Variants in MAST4 observed in about 807,000 individuals in gnomAD.
MAST4 encodes the protein microtubule-associated serine/threonine-protein kinase 4.
In MAST4, 89 loss-of-function variants were observed where a neutral mutation model predicts 162.7. The ratio of observed to expected loss-of-function variants is 0.55; its 90% CI spans 0.46 to 0.65. MAST4 has a LOEUF of 0.65. Ranked by LOEUF, MAST4 falls within the 30% of genes least tolerant of loss-of-function variation. The pLI is 0.00. For missense variants in MAST4, 3,153 were observed against 3,374.0 expected, an observed-to-expected ratio of 0.93 and a Z score of 1.62; for synonymous variants, 1,479 against 1,361.1, an observed-to-expected ratio of 1.09 and a Z score of -1.91.
chr5:66,705,752 G>T (rs552197242), intron 1 of MAST4, among the ~76,000 whole-genome samples: 3 of 152,228 alleles, frequency 2.0e-5, no homozygotes, highest in African/African-American at 7.2e-5. Flanking sequence ...GTAATAAAGG[G>T]TTAATCAGTC....
In MAST4 at chr5:67,165,871, C is replaced by T. The variant is rs752015578; in HGVS notation, c.6692C>T (p.Ser2231Phe). 1.2e-6 allele frequency: 2 copies of T among 1,613,220 alleles called. No individual in the cohort carries two copies. The highest frequency in any genetic ancestry group is 8.5e-7 in the Non-Finnish European group (1 of 1,179,902). ...ATKGKEPATQ[S>F]LGGSSREGKG... Reference sequence around the variant, plus strand: ...AAGGGCAAAGAGCCTGCCACTCAGTCCCTCGGTGGCTCTAGCAGAGAGGGG... The same window carrying T: ...AAGGGCAAAGAGCCTGCCACTCAGTTCCTCGGTGGCTCTAGCAGAGAGGGG... The change falls in exon 29 of 29, where the codon TCC (serine) becomes TTC (phenylalanine). Residue 2231 changes from serine (S) to phenylalanine (F), a missense_variant. Around this residue, in one of 7 missense-constraint regions of MAST4, gnomAD observed 1,644 missense variants for 1,495.0 expected, o/e 1.10. Transcript: ENST00000403625.
At chr5:66,608,300 C>T (rs1238422152) in intron 1 of MAST4, among the ~76,000 whole-genome samples, 6 of 149,930 alleles carry the variant, frequency 4.0e-5, no homozygotes, top group African/African-American at 1.5e-4. Context: ...AGGTGATCCA[C>T]CTGCCTTGGT....
At chr5:67,108,619 G>A (rs1044835120) in intron 10 of MAST4, among the ~76,000 whole-genome samples, 4 of 152,076 alleles carry the variant, frequency 2.6e-5, no homozygotes, top group South Asian at 4.1e-4. Flanking sequence ...TCTGTTCTAC[G>A]ATTATTCACC....
intron 4 of MAST4, among the ~76,000 whole-genome samples, chr5:66,966,288 A>G (rs1746722593): frequency 6.6e-6 from 1 of 152,112 alleles, no homozygotes; most frequent in African/African-American, 2.4e-5. Context: ...AGTCATTTTT[A>G]TTTCCCCAGT....
chr5:66,710,942 G>T (rs561765567), intron 1 of MAST4, among the ~76,000 whole-genome samples: 117 of 152,268 alleles, frequency 7.7e-4, no homozygotes, highest in Non-Finnish European at 1.5e-3. Context: ...GAATATGCCC[G>T]TGTAACCAGC....
intron 3 of MAST4, among the ~76,000 whole-genome samples, chr5:66,899,612 C>T (rs1419262598): frequency 6.6e-6 from 1 of 152,104 alleles, no homozygotes; most frequent in Non-Finnish European, 1.5e-5. Flanking sequence ...ATAGTTAAAT[C>T]CTGTTTGGAT....
intron 4 of MAST4, among the ~76,000 whole-genome samples, chr5:66,983,584 T>C (rs2150247726): frequency 6.6e-6 from 1 of 152,314 alleles, no homozygotes; most frequent in South Asian, 2.1e-4. Flanking sequence ...CACATTAATC[T>C]TTCCATGTTT....
Position 67,139,021 on chromosome 5 carries a change from C to G in MAST4, c.2494+2357C>G, listed in dbSNP as rs188497297. ...TCTCTGCACATTTTCTTGTTGATTG[C>G]TACTTTCAGTCTTTTTAGGGTTTGA... On this transcript the variant is annotated intron_variant, in intron 19 of 28. Transcript: ENST00000403625. Among the ~76,000 whole-genome samples the G allele has an allele frequency of 1.4e-3, 212 of 152,274 alleles. 1 individual carries two copies. The highest frequency in any genetic ancestry group is 2.5e-3 in the Non-Finnish European group (173 of 68,014).
chr5:67,061,304 A>G (rs1163484726), intron 5 of MAST4, among the ~76,000 whole-genome samples: 1 of 152,198 alleles, frequency 6.6e-6, no homozygotes, highest in Non-Finnish European at 1.5e-5. Context: ...CGTAATGTAC[A>G]TGTTTTATTT....
At chr5:66,899,242 G>GT (rs749340790) in intron 3 of MAST4, among the ~76,000 whole-genome samples, 8 of 152,076 alleles carry the variant, frequency 5.3e-5, no homozygotes, top group Non-Finnish European at 8.8e-5. Context: ...TTCTTGGGTG[G>GT]TTTTTTAGTT....
At chr5:66,999,070 T>A (rs1581150833) in intron 4 of MAST4, among the ~76,000 whole-genome samples, 1 of 152,176 alleles carries the variant, frequency 6.6e-6, no homozygotes, top group South Asian at 2.1e-4. Context: ...CTCCACGTGG[T>A]TTATTGATGG....
intron 4 of MAST4, among the ~76,000 whole-genome samples, chr5:66,976,576 C>G (rs544277428): frequency 1.3e-5 from 2 of 152,208 alleles, no homozygotes; most frequent in African/African-American, 2.4e-5. Context: ...TCTCCCTCTG[C>G]CCACAACTTT....
intron 1 of MAST4, among the ~76,000 whole-genome samples, chr5:66,725,406 A>G (rs997583865): frequency 1.3e-5 from 2 of 152,164 alleles, no homozygotes; most frequent in Non-Finnish European, 2.9e-5. Context: ...TCCTTCCCCA[A>G]AGAATAAGAT....
chr5:66,719,058 A>C (rs142536213), intron 1 of MAST4, among the ~76,000 whole-genome samples: 121 of 152,354 alleles, frequency 7.9e-4, no homozygotes, highest in Non-Finnish European at 1.4e-3. Context: ...GGTATTTCAA[A>C]TGCAGAATGG....
At chr5:66,982,316 A>G (rs1471543140) in intron 4 of MAST4, among the ~76,000 whole-genome samples, 1 of 152,224 alleles carries the variant, frequency 6.6e-6, no homozygotes, top group Non-Finnish European at 1.5e-5. Flanking sequence ...TAGGGAGACT[A>G]AAGTCGATTC....
intron 4 of MAST4, among the ~76,000 whole-genome samples, chr5:67,052,829 T>A (rs1758351329): frequency 6.6e-6 from 1 of 152,182 alleles, no homozygotes; most frequent in Non-Finnish European, 1.5e-5. Context: ...CATAAATCTG[T>A]CATTTATAAT....
intron 1 of MAST4, among the ~76,000 whole-genome samples, chr5:66,743,666 A>T (rs541511370): frequency 6.6e-6 from 1 of 152,284 alleles, no homozygotes; most frequent in African/African-American, 2.4e-5. Context: ...CTAGTAATGG[A>T]GAGGCAGAGA....
chr5:66,939,029 T>C (rs1310742449), intron 4 of MAST4, among the ~76,000 whole-genome samples: 1 of 152,170 alleles, frequency 6.6e-6, no homozygotes, highest in Non-Finnish European at 1.5e-5. Context: ...AGACAGACAA[T>C]ATAATGTGCA....
chr5:67,153,064 C>A (rs1772040978), intron 25 of MAST4, among the ~76,000 whole-genome samples, 198 bp downstream of exon 25: 1 of 152,194 alleles, frequency 6.6e-6, no homozygotes, highest in South Asian at 2.1e-4. Flanking sequence ...ATAATTCTGT[C>A]CAGTTTTCAT....
Sources: allele counts gnomAD v4.1 joint callset (sites outside exome capture counted in the v4.1 genomes callset), GRCh38; gene constraint gnomAD v4.1.1; regional missense constraint gnomAD v4.1.1; transcripts MANE v1.5; gene names NCBI Gene and HGNC (gene_info 2026-07-23, HGNC 2026-07-21).